Variants in NLRP11 observed in about 807,000 individuals in gnomAD.
NLRP11 encodes the protein NACHT, LRR and PYD domains-containing protein 11.
NLRP11 carries 53 observed loss-of-function variants against 79.3 expected under a neutral mutation model. That is an observed-to-expected ratio of 0.67 (90% CI 0.54 to 0.84). The LOEUF is 0.84. Among genes scored for constraint, NLRP11 ranks in the 40% least tolerant of loss-of-function variants. NLRP11 has a pLI of 0.00. For missense variants in NLRP11, 1,264 were observed against 1,255.0 expected (o/e 1.01, Z -0.11); for synonymous variants, 518 against 462.6 (o/e 1.12, Z -1.54).
At chr19:55,834,510 G>A (rs1447995727), upstream of NLRP11, among the ~76,000 whole-genome samples, 1 of 152,204 alleles carries the variant, frequency 6.6e-6, no homozygotes, top group African/African-American at 2.4e-5. Flanking sequence ...GTAAGGTGCA[G>A]CTATGGGGAT....
In NLRP11 at chr19:55,785,774, A is replaced by G. The variant is rs763628855; in HGVS notation, c.2953T>C (p.Leu985=). 4 of 1,614,166 alleles carry G rather than the reference A, an allele frequency of 2.5e-6. No homozygotes were observed. In the Admixed American group the frequency reaches 6.7e-5, roughly 27 times the overall value. ...ACACCAATTTCTCTGCCTTCCTTTA[A>G]AGACCAAGTTTCAGACAGAAAGATC... The change falls in exon 10 of 10, where the codon TTA becomes CTA. Residue 985 remains leucine, a synonymous_variant. Transcript: ENST00000589093.
chr19:55,835,811 T>C (rs1467352159), upstream of NLRP11, among the ~76,000 whole-genome samples: 32 of 133,334 alleles, frequency 2.4e-4, no homozygotes, highest in Admixed American at 5.8e-4. Flanking sequence ...GGTGAAACCC[T>C]GTCTCTACTG....
intron 4 of NLRP11, among the ~76,000 whole-genome samples, chr19:55,806,431 C>A (rs1979993841): frequency 6.6e-6 from 1 of 152,170 alleles, no homozygotes; most frequent in South Asian, 2.1e-4. Context: ...AAACAAAGAT[C>A]TTGGGACAAT....
chr19:55,800,373 T>C (rs1979360083), intron 5 of NLRP11, among the ~76,000 whole-genome samples: 2 of 152,214 alleles, frequency 1.3e-5, no homozygotes, highest in Admixed American at 1.3e-4. Context: ...AGCGGCGCCA[T>C]CTCAGCTCAC....
At chr19:55,831,987 G>A (rs1367706071) in exon 1 of NLRP11, 2 of 152,246 alleles carry the variant, frequency 1.3e-5, no homozygotes, top group Non-Finnish European at 2.9e-5. Context: ...GGTCTCCTTG[G>A]CTGGTCGAAA....
intron 5 of NLRP11, among the ~76,000 whole-genome samples, chr19:55,799,606 G>A (rs1979275458): frequency 6.6e-6 from 1 of 152,192 alleles, no homozygotes; most frequent in Admixed American, 6.5e-5. Flanking sequence ...AGTGGCAACA[G>A]AGTTGGGATT....
At chr19:55,797,449 T>C (rs1979035788) in intron 5 of NLRP11, among the ~76,000 whole-genome samples, 2 of 152,180 alleles carry the variant, frequency 1.3e-5, no homozygotes. Context: ...AACTAACAAA[T>C]ATTGTTATTT....
chr19:55,820,169 T>C lies in NLRP11; in HGVS notation c.-62-1933A>G, dbSNP rs988029191. Among the ~76,000 whole-genome samples the C allele has an allele frequency of 2.0e-5, 3 of 152,098 alleles. No individual in the cohort carries two copies. The East Asian group carries it at 5.8e-4, about 29-fold the overall frequency. On this transcript the variant is annotated intron_variant, in intron 1 of 9. Transcript: ENST00000589093. ...CAACTAGTAAGCAGTCACTCCCTGTTTCCCTCTCCTCCCCTAAAGGAGCCT... is the reference window on the plus strand; with the variant it reads ...CAACTAGTAAGCAGTCACTCCCTGTCTCCCTCTCCTCCCCTAAAGGAGCCT...
At chr19:55,830,598 T>TTAAAAAAAAAAAAAAAAAAAA (rs752782865) in intron 1 of NLRP11, among the ~76,000 whole-genome samples, 1 of 129,226 alleles carries the variant, frequency 7.7e-6, no homozygotes. Flanking sequence ...CTTAGCTTCC[T>TTAAAAAAAAAAAAAAAAAAAA]AAAAAAAAAA....
intron 1 of NLRP11, among the ~76,000 whole-genome samples, chr19:55,823,461 C>T (rs1399487291): frequency 7.2e-6 from 1 of 139,770 alleles, no homozygotes; most frequent in Non-Finnish European, 1.5e-5. Context: ...GATCAAATTA[C>T]TCTGAGCTAC....
chr19:55,830,920 A>G (rs1600209072), intron 1 of NLRP11, among the ~76,000 whole-genome samples: 1 of 152,288 alleles, frequency 6.6e-6, no homozygotes, highest in Non-Finnish European at 1.5e-5. Context: ...ACTGAGACAC[A>G]GGGGAATCAC....
At chr19:55,804,675 A>G (rs912663252) in intron 4 of NLRP11, among the ~76,000 whole-genome samples, 2 of 152,180 alleles carry the variant, frequency 1.3e-5, no homozygotes, top group Non-Finnish European at 2.9e-5. Context: ...GTACAGTCTT[A>G]TAGTCTATAT....
chr19:55,809,645 GCTGCCGACGCCCTCTGGCGGT>G lies in NLRP11; in HGVS notation c.944_964del (p.Asp315_Ala321del), dbSNP rs1980390654. 5 of 1,614,190 alleles carry G rather than the reference GCTGCCGACGCCCTCTGGCGGT, an allele frequency of 3.1e-6. No homozygotes were observed. The highest frequency in any genetic ancestry group is 4.2e-6 in the Non-Finnish European group (5 of 1,180,034). ...TTCATCCTCATGTACAAGCTGGAGG[GCTGCCGACGCCCTCTGGCGGT>G]CTTTAAAGAAAGAGTTAAAATATAT... On this transcript the variant is annotated inframe_deletion, in exon 3 of 10. Transcript: ENST00000589093. The surrounding 1 kb of genome is among the most constrained non-coding windows in gnomAD (Gnocchi z 4.5).
Position 55,809,824 on chromosome 19 carries a change from C to G in NLRP11, c.786G>C (p.Leu262Phe), listed in dbSNP as rs1568636849. 1 of 1,614,190 alleles carries G rather than the reference C, an allele frequency of 6.2e-7. No homozygotes were observed. The highest frequency in any genetic ancestry group is 1.1e-5 in the South Asian group (1 of 91,074). The change falls in exon 3 of 10, where the codon TTG becomes TTC. Residue 262 changes from leucine to phenylalanine, a missense_variant. Leu to Phe is a conservative substitution (Grantham distance 22). Transcript: ENST00000589093. This position sits in a 1 kb window ranked among gnomAD's most constrained non-coding sequence, Gnocchi z 4.5. Reference sequence around the variant, plus strand: ...AGCCTGGAGCCATTTTTCTCTTCAGCAAACTGACCAGGAGAACTGGAATGG... The same window carrying G: ...AGCCTGGAGCCATTTTTCTCTTCAGGAAACTGACCAGGAGAACTGGAATGG...
At position 55,830,558 on chromosome 19, in the gene NLRP11, T is replaced by G. The variant is rs138120332; in HGVS notation, c.-63+1405A>C. ...GTGACATAGGATCATTCAAGGAAAA[T>G]TCCATAAGCTTTTTGCCTAGTGATG... is the stretch of plus-strand genomic sequence containing the variant. On this transcript the variant is annotated intron_variant, in intron 1 of 9. Coordinates refer to ENST00000589093, the Ensembl canonical transcript of NLRP11. Among the ~76,000 whole-genome samples the G allele has an allele frequency of 2.7e-5, 4 of 146,684 alleles. No individual in the cohort carries two copies. The East Asian group carries it at 8.0e-4, about 29-fold the overall frequency.
exon 5 of NLRP11, chr19:55,801,684 G>A (rs769380246): frequency 1.1e-5 from 18 of 1,614,010 alleles, no homozygotes; most frequent in South Asian, 4.4e-5. Context: ...CTCCGATTAC[G>A]AGCCAAAGCC....
At chr19:55,802,271 T>A (rs1048200431) in intron 4 of NLRP11, among the ~76,000 whole-genome samples, 5 of 152,148 alleles carry the variant, frequency 3.3e-5, no homozygotes, top group Admixed American at 6.5e-5. Flanking sequence ...GAAAACCCCA[T>A]AGTCTCAGCC....
chr19:55,816,172 A>G (rs954265519), intron 2 of NLRP11, among the ~76,000 whole-genome samples: 3 of 151,008 alleles, frequency 2.0e-5, no homozygotes, highest in Non-Finnish European at 4.4e-5. Context: ...TATAAGACAC[A>G]TAGACTGAAA....
At chr19:55,806,128 A>G (rs939372930) in intron 4 of NLRP11, among the ~76,000 whole-genome samples, 3 of 151,690 alleles carry the variant, frequency 2.0e-5, no homozygotes, top group African/African-American at 7.3e-5. Context: ...CTCCCCAATC[A>G]CTTTATGTTG....
Sources: allele counts gnomAD v4.1 joint callset (sites outside exome capture counted in the v4.1 genomes callset), GRCh38; gene constraint gnomAD v4.1.1; non-coding constraint Gnocchi (gnomAD v3.1); transcripts MANE v1.5; gene names NCBI Gene and HGNC (gene_info 2026-07-23, HGNC 2026-07-21).